PIAS1: variants seen among roughly 807,000 people sequenced by gnomAD.
The protein encoded by PIAS1 is protein inhibitor of activated STAT 1, also known as E3 SUMO-protein ligase PIAS1.
A neutral mutation model predicts 71.3 loss-of-function variants in PIAS1; 6 were observed. The ratio of observed to expected loss-of-function variants is 0.08; its 90% CI spans 0.05 to 0.17. The LOEUF (loss-of-function observed/expected upper bound fraction) is 0.17, where lower values mean the gene tolerates loss of function less well. PIAS1 is among the 10% of genes least tolerant of loss of function. The pLI, the probability that PIAS1 is intolerant of heterozygous loss-of-function variation, is 1.00. For synonymous variants in PIAS1, 303 were observed against 292.9 expected (o/e 1.03, Z -0.35); for missense variants, 555 against 793.6 (o/e 0.70, Z 3.61).
chr15:68,142,930 A>T lies in PIAS1; in HGVS notation c.602+593A>T, dbSNP rs546224141. Among the ~76,000 whole-genome samples, 11 of 152,244 alleles carry T rather than the reference A, an allele frequency of 7.2e-5. No homozygotes were observed. In the South Asian group the frequency reaches 2.3e-3, roughly 32 times the overall value. On this transcript the variant is annotated intron_variant, in intron 4 of 13. Coordinates refer to ENST00000249636, the MANE Select transcript of PIAS1 (RefSeq NM_016166.3). ...GGATCCATTTGAGACATCTCTTAAA[A>T]ATGTTCAAAGACTAATGGGAAATTT... is the stretch of plus-strand genomic sequence containing the variant.
chr15:68,073,744 T>C (rs1481379972), intron 1 of PIAS1, among the ~76,000 whole-genome samples: 1 of 151,966 alleles, frequency 6.6e-6, no homozygotes, highest in Non-Finnish European at 1.5e-5. Context: ...GCTAAGGAGA[T>C]GGGGCCTCTG....
Position 68,176,595 on chromosome 15 carries a change from G to A in PIAS1, c.1422G>A (p.Glu474=). ...IDSSSDEEEE[E]PSAKRTCPSL... is the part of the protein sequence containing the mutation. Reference sequence around the variant, plus strand: ...GTTCATCTGATGAAGAGGAAGAAGAGCCATCTGCCAAGAGGACCTGTCCTT... The same window carrying A: ...GTTCATCTGATGAAGAGGAAGAAGAACCATCTGCCAAGAGGACCTGTCCTT... The change falls in exon 11 of 14, where the codon GAG becomes GAA. Residue 474 remains glutamate, a synonymous_variant. Coordinates refer to ENST00000249636, the MANE Select transcript of PIAS1 (RefSeq NM_016166.3). 1.2e-6 allele frequency: 2 copies of A among 1,612,802 alleles called. No individual in the cohort carries two copies. Among genetic ancestry groups the A allele is most frequent in the Admixed American group, 1.7e-5 (1 of 59,834 alleles).
Position 68,185,090 on chromosome 15 carries a change from C to G in PIAS1, c.1662+1423C>G, listed in dbSNP as rs576276496. On this transcript the variant is annotated intron_variant, in intron 13 of 13. Transcript: ENST00000249636. This position sits in a 1 kb window ranked among gnomAD's most constrained non-coding sequence, Gnocchi z 4.4. ...CACACATCCTCATTTCATTGGTGAT[C>G]TTCATCCCAATATCAAAGTGTTGTG... 3 of 152,512 alleles carry G rather than the reference C, an allele frequency of 2.0e-5. No individual in the cohort carries two copies. Among genetic ancestry groups the G allele is most frequent in the Non-Finnish European group, 4.4e-5 (3 of 68,038 alleles). The allele number at this position is 152,512 out of a possible 1,614,324, so 9.4% of individuals were successfully genotyped here.
intron 1 of PIAS1, among the ~76,000 whole-genome samples, chr15:68,057,197 TA>T (rs2091905541): frequency 6.6e-6 from 1 of 152,224 alleles, no homozygotes; most frequent in Non-Finnish European, 1.5e-5. Context: ...CAATAAAAAT[TA>T]GATTGTGAGT....
At chr15:68,130,439 A>G (rs184521215) in intron 2 of PIAS1, among the ~76,000 whole-genome samples, 194 of 152,090 alleles carry the variant, frequency 1.3e-3, no homozygotes, top group African/African-American at 4.5e-3. Context: ...TTTTTTCTAC[A>G]TGTATATGCA....
At chr15:68,116,310 A>G (rs1484915575) in intron 2 of PIAS1, among the ~76,000 whole-genome samples, 6 of 151,818 alleles carry the variant, frequency 4.0e-5, no homozygotes, top group Non-Finnish European at 7.4e-5. Flanking sequence ...TCTTAAGTAA[A>G]CTTTGGTAGT....
At chr15:68,135,624 A>AC (rs1247042355) in intron 2 of PIAS1, among the ~76,000 whole-genome samples, 6 of 48,138 alleles carry the variant, frequency 1.2e-4, no homozygotes, top group African/African-American at 2.8e-4. Flanking sequence ...CGGGGGGCTG[A>AC]CCCCCCCACC....
chr15:68,120,781 A>G (rs2092607058), intron 2 of PIAS1, among the ~76,000 whole-genome samples: 1 of 152,110 alleles, frequency 6.6e-6, no homozygotes, highest in African/African-American at 2.4e-5. Context: ...CAGACTCCCA[A>G]GTAGCTGGGA....
chr15:68,090,927 GGTGTGTGTGT>G (rs10667510), intron 2 of PIAS1, among the ~76,000 whole-genome samples: 38 of 142,852 alleles, frequency 2.7e-4, no homozygotes, highest in African/African-American at 7.8e-4. Context: ...GTCATTTACG[GGTGTGTGTGT>G]GTGTGTGTGT....
chr15:68,092,814 C>G (rs2092344093), intron 2 of PIAS1, among the ~76,000 whole-genome samples: 1 of 152,182 alleles, frequency 6.6e-6, no homozygotes, highest in African/African-American at 2.4e-5. Context: ...ATGCCTTGAT[C>G]TTGGACTTCC....
chr15:68,164,484 T>G (rs754566286), intron 7 of PIAS1, among the ~76,000 whole-genome samples: 20 of 152,116 alleles, frequency 1.3e-4, no homozygotes, highest in Non-Finnish European at 2.9e-4. Flanking sequence ...TTGCTGCAGG[T>G]TTTTGTCCCC....
chr15:68,192,919 C>T lies in PIAS1; in HGVS notation c.*5084C>T, dbSNP rs2093126880. ...GACTGTGCTGGCACTACGAATGATC[C>T]AGATTTGACAAGTGTATGGCACCTC... On this transcript the variant is annotated 3_prime_UTR_variant, in exon 14 of 14. Coordinates refer to ENST00000249636, the MANE Select transcript of PIAS1 (RefSeq NM_016166.3). 6.6e-6 allele frequency: 1 copy of T among 152,174 alleles called. No individual in the cohort carries two copies. The highest frequency in any genetic ancestry group is 2.4e-5 in the African/African-American group (1 of 41,426). The allele number at this position is 152,174 out of a possible 1,614,324, so 9.4% of individuals were successfully genotyped here. A position where few individuals can be genotyped will look rare whatever the true frequency, so the allele number is the denominator to read the frequency against.
At position 68,173,304 on chromosome 15, in the gene PIAS1, A is replaced by G. The variant is rs78239725; in HGVS notation, c.1009-428A>G. On this transcript the variant is annotated intron_variant, in intron 8 of 13. Transcript: ENST00000249636. This position sits in a 1 kb window ranked among gnomAD's most constrained non-coding sequence, Gnocchi z 4.3. Reference sequence around the variant, plus strand: ...CAGGAGTTTGAGGCTGTAGTGTGCTACGATTGTGCCTGTGAATAAGAGTTG... The same window carrying G: ...CAGGAGTTTGAGGCTGTAGTGTGCTGCGATTGTGCCTGTGAATAAGAGTTG... Among the ~76,000 whole-genome samples the G allele has an allele frequency of 0.034, 5,221 of 152,146 alleles. 133 individuals carry two copies. The highest frequency in any genetic ancestry group is 0.048 in the Non-Finnish European group (3,294 of 67,994).
chr15:68,158,399 T>C (rs2092904658), intron 7 of PIAS1, among the ~76,000 whole-genome samples: 2 of 152,174 alleles, frequency 1.3e-5, no homozygotes, highest in Admixed American at 1.3e-4. Context: ...CTAATGTCAT[T>C]ATCCTTTGTT....
intron 7 of PIAS1, among the ~76,000 whole-genome samples, chr15:68,163,319 T>G (rs988828157): frequency 6.6e-6 from 1 of 152,246 alleles, no homozygotes; most frequent in Non-Finnish European, 1.5e-5. Context: ...ACAACTATAT[T>G]TTCCAAACTA....
chr15:68,059,000 CTTTT>C (rs35348345), intron 1 of PIAS1, among the ~76,000 whole-genome samples: 1 of 84,910 alleles, frequency 1.2e-5, no homozygotes, highest in African/African-American at 4.6e-5. Context: ...GATTATTCTA[CTTTT>C]TTTTTTTTTT....
At chr15:68,114,296 T>C (rs1334900618) in intron 2 of PIAS1, among the ~76,000 whole-genome samples, 2 of 152,078 alleles carry the variant, frequency 1.3e-5, no homozygotes, top group African/African-American at 4.8e-5. Flanking sequence ...TATTCTCATA[T>C]CATTAAGTAT....
At chr15:68,074,649 T>TA (rs1461951435) in intron 1 of PIAS1, among the ~76,000 whole-genome samples, 1 of 152,210 alleles carries the variant, frequency 6.6e-6, no homozygotes, top group African/African-American at 2.4e-5. Flanking sequence ...CCACAAAAGA[T>TA]AAAAGACTTT....
At chr15:68,117,228 C>G (rs1284658739) in intron 2 of PIAS1, among the ~76,000 whole-genome samples, 2 of 152,106 alleles carry the variant, frequency 1.3e-5, no homozygotes, top group African/African-American at 4.8e-5. Flanking sequence ...GCTGGGACTA[C>G]AGGTGTGCGC....
Sources: gnomAD v4.1 joint callset for allele counts (sites outside exome capture counted in the v4.1 genomes callset) on GRCh38, gnomAD v4.1.1 for gene constraint, Gnocchi (gnomAD v3.1) non-coding constraint, MANE v1.5 for transcripts, NCBI Gene and HGNC (gene_info 2026-07-23, HGNC 2026-07-21) for gene names.